Variants in EXD3 observed in about 807,000 individuals in gnomAD.
EXD3 encodes exonuclease mut-7 homolog.
In EXD3, 92 loss-of-function variants were observed where a neutral mutation model predicts 98.0. That is an observed-to-expected ratio of 0.94 (90% CI 0.79 to 1.12). The LOEUF (loss-of-function observed/expected upper bound fraction) is 1.12. EXD3 is among the 50% of genes most tolerant of loss of function. The pLI is 0.00. For synonymous variants in EXD3, 569 were observed against 526.0 expected, an observed-to-expected ratio of 1.08 and a Z score of -1.12; for missense variants, 1,222 against 1,191.6, an observed-to-expected ratio of 1.03 and a Z score of -0.38.
At chr9:137,319,660 G>A (rs1246171741) in intron 19 of EXD3, among the ~76,000 whole-genome samples, 2 of 152,212 alleles carry the variant, frequency 1.3e-5, no homozygotes, top group African/African-American at 4.8e-5. Flanking sequence ...AAGGAGGCGG[G>A]TGCGCACATG....
intron 19 of EXD3, among the ~76,000 whole-genome samples, chr9:137,318,437 C>T (rs1194461019): frequency 2.0e-5 from 3 of 152,118 alleles, no homozygotes; most frequent in Admixed American, 6.5e-5. Flanking sequence ...TGTTTCAGGA[C>T]GTGTCCCCGT....
At chr9:137,375,872 A>G (rs1247295366) in intron 3 of EXD3, among the ~76,000 whole-genome samples, 10 of 152,330 alleles carry the variant, frequency 6.6e-5, no homozygotes, top group Non-Finnish European at 1.5e-4. Flanking sequence ...CAAGGAAGCA[A>G]GCCACCATGA....
At chr9:137,406,207 C>T (rs1837702970) in intron 1 of EXD3, among the ~76,000 whole-genome samples, 1 of 142,430 alleles carries the variant, frequency 7.0e-6, no homozygotes, top group Non-Finnish European at 1.5e-5. Flanking sequence ...CAGAGCAAGA[C>T]CCTGTTTCCA....
Position 137,351,774 on chromosome 9 carries a change from C to A in EXD3, c.1174-246G>T, listed in dbSNP as rs140574594. 3.1e-3 allele frequency among the ~76,000 whole-genome samples: 471 copies of A among 152,360 alleles called. 1 individual carries two copies. Among genetic ancestry groups the A allele is most frequent in the African/African-American group, 0.011 (443 of 41,588 alleles). On this transcript the variant is annotated intron_variant, in intron 12 of 21. Transcript: ENST00000340951. ...GAGCAAGAGCCTGGCCTGGTGCCCA[C>A]GGCAGTGCCCGTGTCAGGGAGGCAC...
intron 2 of EXD3, among the ~76,000 whole-genome samples, chr9:137,387,219 C>A (rs971222823): frequency 6.6e-6 from 1 of 152,244 alleles, no homozygotes; most frequent in Non-Finnish European, 1.5e-5. Context: ...ACTGTGGCCT[C>A]AACGCTGAGC....
rs1167772389 is a variant in EXD3 at position 137,343,575 on chromosome 9, CTTTTT to C, written c.1998+4491_1998+4495del. Reference sequence around the variant, plus strand: ...AACATCTCACCATGGACTACTGTATCTTTTTTTTTTTTTTTTTTTTTTTTTTTTTT... The same window carrying C: ...AACATCTCACCATGGACTACTGTATCTTTTTTTTTTTTTTTTTTTTTTTTT... On this transcript the variant is annotated intron_variant, in intron 17 of 21. Transcript: ENST00000340951. The C allele has an allele frequency of 1.8e-4, 10 of 56,606 alleles. No homozygotes were observed. In the East Asian group the frequency reaches 1.8e-3, roughly 10 times the overall value. The allele number at this position is 56,606 out of a possible 1,614,324, so 3.5% of individuals were successfully genotyped here.
At chr9:137,311,427 G>A (rs1453026463) in intron 19 of EXD3, among the ~76,000 whole-genome samples, 1 of 152,242 alleles carries the variant, frequency 6.6e-6, no homozygotes, top group African/African-American at 2.4e-5. Context: ...GACAGTGCCA[G>A]TGGGTGTAGG....
chr9:137,416,822 C>T (rs1838253798), intron 1 of EXD3, among the ~76,000 whole-genome samples: 1 of 152,178 alleles, frequency 6.6e-6, no homozygotes, highest in African/African-American at 2.4e-5. Context: ...CAGGGGTGCT[C>T]TTGGAGGCGC....
chr9:137,311,852 T>C (rs1831377062), intron 19 of EXD3, among the ~76,000 whole-genome samples: 2 of 152,174 alleles, frequency 1.3e-5, no homozygotes, highest in African/African-American at 4.8e-5. Context: ...GGCGGGTGGC[T>C]GCCACGGGCT....
In EXD3 at chr9:137,353,454, G is replaced by A. The variant is rs191324168; in HGVS notation, c.871-668C>T. On this transcript the variant is annotated intron_variant, in intron 10 of 21. Transcript: ENST00000340951. ...CCCCTTCCCCTCCTCCTCATTATGT[G>A]GGGTTTGGCTGGCAGGGCTCAGGAG... The A allele has an allele frequency of 1.1e-4, 108 of 985,346 alleles. No homozygotes were observed. In the East Asian group the frequency reaches 9.7e-3, roughly 88 times the overall value. 61.0% of individuals were successfully genotyped at this position (985,346 alleles called of 1,614,324 possible). A position where few individuals can be genotyped will look rare whatever the true frequency, so the allele number is the denominator to read the frequency against.
intron 19 of EXD3, among the ~76,000 whole-genome samples, chr9:137,323,321 C>T (rs1648953289): frequency 7.5e-5 from 1 of 13,422 alleles, no homozygotes; most frequent in Non-Finnish European, 1.2e-4. Context: ...GAGGGGTGAT[C>T]TGCCGACACC....
chr9:137,335,284 G>A (rs957318308), intron 17 of EXD3, among the ~76,000 whole-genome samples: 7 of 152,024 alleles, frequency 4.6e-5, no homozygotes, highest in Admixed American at 4.6e-4. Context: ...ATACAGATAC[G>A]CAGCAAACGT....
chr9:137,354,896 C>T (rs1183862871), intron 8 of EXD3, 123 bp from the exon 9 acceptor site: 3 of 970,322 alleles, frequency 3.1e-6, no homozygotes, highest in East Asian at 5.3e-5. Flanking sequence ...CCACCTCTGC[C>T]CCGGAGCCCA....
In EXD3 at chr9:137,365,966, GCA is replaced by G. The variant is rs538958907; in HGVS notation, c.656+525_656+526del. ...ACGTGCACACACGCACATATCACGTGCACACACAGAGACACACACATGCACAC... is the reference window on the plus strand; with the variant it reads ...ACGTGCACACACGCACATATCACGTGCACACAGAGACACACACATGCACAC... On this transcript the variant is annotated intron_variant, in intron 7 of 21. Transcript: ENST00000340951. 5.8e-4 allele frequency: 298 copies of G among 511,872 alleles called. 7 individuals are homozygous for G. The highest frequency in any genetic ancestry group is 2.4e-3 in the South Asian group (144 of 61,056). 31.7% of individuals were successfully genotyped at this position (511,872 alleles called of 1,614,324 possible). A position where few individuals can be genotyped will look rare whatever the true frequency, so the allele number is the denominator to read the frequency against.
chr9:137,395,201 C>T lies in EXD3; in HGVS notation c.55+102G>A. 4 of 1,125,562 alleles carry T rather than the reference C, an allele frequency of 3.6e-6. No homozygotes were observed. The highest frequency in any genetic ancestry group is 5.4e-6 in the Non-Finnish European group (4 of 743,868). 69.7% of individuals were successfully genotyped at this position (1,125,562 alleles called of 1,614,324 possible). On this transcript the variant is annotated intron_variant, in intron 2 of 21. Coordinates refer to ENST00000340951, the MANE Select transcript of EXD3 (RefSeq NM_017820.5). The surrounding 1 kb of genome is among the most constrained non-coding windows in gnomAD (Gnocchi z 6.5). ...GCAGCTAGGGGCCAGCAGCCTGGCC[C>T]TCGTCACTGAGTACACAGTGGGCGC...
intron 1 of EXD3, among the ~76,000 whole-genome samples, chr9:137,409,779 T>C (rs1837906325): frequency 6.6e-6 from 1 of 152,218 alleles, no homozygotes; most frequent in African/African-American, 2.4e-5. Flanking sequence ...AGCATCTTTC[T>C]CGGAACGTGG....
At chr9:137,361,768 C>T (rs753612712) in intron 7 of EXD3, among the ~76,000 whole-genome samples, 3 of 148,436 alleles carry the variant, frequency 2.0e-5, no homozygotes, top group Non-Finnish European at 4.5e-5. Flanking sequence ...AAAAAAATTA[C>T]CAGGCATGCA....
In EXD3 at chr9:137,354,906, A is replaced by C. The variant is rs941182818; in HGVS notation, c.758-133T>G. The C allele has an allele frequency of 1.4e-5, 12 of 874,866 alleles. No individual in the cohort carries two copies. The Admixed American group carries it at 3.4e-4, about 25-fold the overall frequency. 54.2% of individuals were successfully genotyped at this position (874,866 alleles called of 1,614,324 possible). A position where few individuals can be genotyped will look rare whatever the true frequency, so the allele number is the denominator to read the frequency against. ...GTCCTCCACCTCTGCCCCGGAGCCC[A>C]CCCCCTCCTCACCACCTGGGCCTCT... On this transcript the variant is annotated intron_variant, in intron 8 of 21. Coordinates refer to ENST00000340951, the MANE Select transcript of EXD3 (RefSeq NM_017820.5).
intron 17 of EXD3, among the ~76,000 whole-genome samples, chr9:137,330,075 A>T (rs115879067): frequency 8.5e-6 from 1 of 118,012 alleles, no homozygotes; most frequent in Non-Finnish European, 1.7e-5. Flanking sequence ...CTACACAGGA[A>T]CTACACAGGA....
Sources: gnomAD v4.1 joint callset for allele counts (sites outside exome capture counted in the v4.1 genomes callset) on GRCh38, gnomAD v4.1.1 for gene constraint, Gnocchi (gnomAD v3.1) non-coding constraint, MANE v1.5 for transcripts, NCBI Gene and HGNC (gene_info 2026-07-23, HGNC 2026-07-21) for gene names.